Variants in TMEM138 observed in about 807,000 individuals in gnomAD.
The protein encoded by TMEM138 is transmembrane protein 138.
In TMEM138, 9 loss-of-function variants were observed where a neutral mutation model predicts 18.1. The ratio of observed to expected loss-of-function variants is 0.50; its 90% CI spans 0.30 to 0.87. TMEM138 has a LOEUF of 0.87. TMEM138 is among the 40% of genes least tolerant of loss of function. The pLI is 0.06. For synonymous variants in TMEM138, 79 were observed against 74.8 expected (o/e 1.06, Z -0.29); for missense variants, 189 against 190.6 (o/e 0.99, Z 0.05).
At chr11:61,375,572 C>T (rs1210263376), downstream of TMEM138, among the ~76,000 whole-genome samples, 1 of 152,188 alleles carries the variant, frequency 6.6e-6, no homozygotes, top group African/African-American at 2.4e-5. Flanking sequence ...ATCCACCCAC[C>T]TCAGCCTCCC....
At chr11:61,367,781 C>A in intron 3 of TMEM138, 142 bp from the exon 4 acceptor site, 2 of 664,206 alleles carry the variant, frequency 3.0e-6, no homozygotes, top group Non-Finnish European at 5.5e-6. Context: ...GAGGCTCCTT[C>A]GAGAAACGCT....
At position 61,364,485 on chromosome 11, in the gene TMEM138, A is replaced by G; in HGVS notation, c.95A>G (p.Gln32Arg). 1 of 1,614,244 alleles carries G rather than the reference A, an allele frequency of 6.2e-7. No individual in the cohort carries two copies. The highest frequency in any genetic ancestry group is 8.5e-7 in the Non-Finnish European group (1 of 1,180,034). ...LFVNSFSELL[Q>R]KTPVIQLVLF... ...GTCAATTCCTTCTCAGAACTGCTCC[A>G]AAAGACTCCTGTCATCCAGCTTGTG... The change falls in exon 2 of 5, where the codon CAA becomes CGA. Residue 32 changes from glutamine to arginine, a missense_variant. Physicochemically the swap from Gln to Arg is conservative, Grantham distance 43. Transcript: ENST00000278826.
downstream of TMEM138, among the ~76,000 whole-genome samples, chr11:61,372,506 G>A (rs1318852319): frequency 2.0e-5 from 3 of 151,666 alleles, no homozygotes; most frequent in African/African-American, 7.3e-5. Context: ...AAAAAAGCTG[G>A]GTGCGGTGGC....
downstream of TMEM138, among the ~76,000 whole-genome samples, chr11:61,375,222 A>G (rs1858419870): frequency 1.3e-5 from 2 of 151,948 alleles, no homozygotes; most frequent in Non-Finnish European, 2.9e-5. Context: ...AGCTATTTAT[A>G]GCTTTAACAA....
chr11:61,366,412 G>A, intron 3 of TMEM138, 196 bp downstream of exon 3: 2 of 533,306 alleles, frequency 3.8e-6, no homozygotes, highest in East Asian at 6.7e-5. Context: ...TGCCCGGCCT[G>A]AACTCTGAAT....
chr11:61,374,132 T>G (rs954994194), downstream of TMEM138, among the ~76,000 whole-genome samples: 9 of 149,886 alleles, frequency 6.0e-5, no homozygotes, highest in Admixed American at 6.0e-4. Flanking sequence ...CCTGAGCCAC[T>G]GCGCCCAGTC....
downstream of TMEM138, among the ~76,000 whole-genome samples, chr11:61,376,643 A>G (rs1398967188): frequency 2.0e-5 from 3 of 152,190 alleles, no homozygotes; most frequent in Non-Finnish European, 4.4e-5. Flanking sequence ...CTATTTACAT[A>G]CATAAGCCAC....
Position 61,366,104 on chromosome 11 carries a change from C to T in TMEM138, c.188C>T (p.Thr63Ile), listed in dbSNP as rs1858140027. The T allele has an allele frequency of 6.2e-7, 1 of 1,614,070 alleles. No individual in the cohort carries two copies. The highest frequency in any genetic ancestry group is 1.3e-5 in the African/African-American group (1 of 74,924). Residue 63 changes from threonine to isoleucine, a missense_variant, in exon 3 of 5, where the codon ACC becomes ATC. Transcript: ENST00000278826. Reference sequence around the variant, plus strand: ...ATCATTTTCCTCATGTTCTTCAACACCTTCGTCTTCCAGGCTGGCCTGGTC... The same window carrying T: ...ATCATTTTCCTCATGTTCTTCAACATCTTCGTCTTCCAGGCTGGCCTGGTC... Reference protein sequence around the residue: ...IIIIFLMFFNTFVFQAGLVNL... With the variant: ...IIIIFLMFFNIFVFQAGLVNL...
downstream of TMEM138, among the ~76,000 whole-genome samples, chr11:61,373,971 T>C (rs1282637096): frequency 1.1e-4 from 17 of 152,072 alleles, no homozygotes; most frequent in Admixed American, 1.1e-3. Context: ...GGCTCCCAAG[T>C]AGCTGGGATT....
At chr11:61,367,900 T>C (rs1356154180) in intron 3 of TMEM138, 23 bp from the exon 4 acceptor site, 1 of 1,555,186 alleles carries the variant, frequency 6.4e-7, no homozygotes, top group South Asian at 1.1e-5. Context: ...CATTAACTTT[T>C]GTGTATCTCA....
At chr11:61,376,581 T>C (rs887504836), downstream of TMEM138, among the ~76,000 whole-genome samples, 5 of 152,210 alleles carry the variant, frequency 3.3e-5, no homozygotes, top group African/African-American at 1.2e-4. Flanking sequence ...TGTGCTTTCA[T>C]AAAGCCCTGC....
intron 4 of TMEM138, 131 bp from the exon 5 acceptor site, chr11:61,368,466 T>A: frequency 1.6e-6 from 1 of 621,132 alleles, no homozygotes; most frequent in Non-Finnish European, 2.9e-6. Context: ...GACCTCATGA[T>A]CCGCCTGCCT....
chr11:61,376,673 T>C (rs925419927), downstream of TMEM138, among the ~76,000 whole-genome samples: 1 of 152,200 alleles, frequency 6.6e-6, no homozygotes, highest in African/African-American at 2.4e-5. Context: ...TGCCTACCGA[T>C]GTATGGACTT....
chr11:61,372,944 G>A (rs192135254), downstream of TMEM138, among the ~76,000 whole-genome samples: 1 of 151,440 alleles, frequency 6.6e-6, no homozygotes. Flanking sequence ...GGTTTGCCTA[G>A]GAAAAAAACA....
At chr11:61,374,957 AAAAC>A (rs771720941), downstream of TMEM138, among the ~76,000 whole-genome samples, 33 of 152,136 alleles carry the variant, frequency 2.2e-4, no homozygotes, top group East Asian at 5.8e-4. Context: ...CTCCATCTCA[AAAAC>A]AAACAAACAA....
intron 1 of TMEM138, 114 bp from the exon 2 acceptor site, chr11:61,364,138 T>G (rs1858049708): frequency 3.0e-6 from 1 of 334,698 alleles, no homozygotes; most frequent in Non-Finnish European, 5.4e-6. Context: ...TTGTTGGTTT[T>G]GTTCACTAAA....
downstream of TMEM138, among the ~76,000 whole-genome samples, chr11:61,373,873 T>A (rs1176060147): frequency 6.6e-6 from 1 of 152,048 alleles, no homozygotes; most frequent in Non-Finnish European, 1.5e-5. Context: ...GGAGTCTCAC[T>A]CTTGTCGTCC....
downstream of TMEM138, among the ~76,000 whole-genome samples, chr11:61,370,223 G>A (rs985691650): frequency 6.6e-6 from 1 of 152,186 alleles, no homozygotes; most frequent in Non-Finnish European, 1.5e-5. Context: ...GCATCTGGTT[G>A]TAAGGGTTAT....
At chr11:61,371,119 C>G (rs182475878), downstream of TMEM138, among the ~76,000 whole-genome samples, 433 of 152,338 alleles carry the variant, frequency 2.8e-3, no homozygotes, top group South Asian at 5.6e-3. Flanking sequence ...ACTACAACTT[C>G]CGCCTCCTGG....
Sources: allele counts gnomAD v4.1 joint callset (sites outside exome capture counted in the v4.1 genomes callset), GRCh38; gene constraint gnomAD v4.1.1; transcripts MANE v1.5; gene names NCBI Gene and HGNC (gene_info 2026-07-23, HGNC 2026-07-21).